PDE7B: variants seen among roughly 807,000 people sequenced by gnomAD.
PDE7B encodes 3',5'-cyclic-AMP phosphodiesterase 7B.
PDE7B carries 29 observed loss-of-function variants against 56.2 expected under a neutral mutation model. The observed-to-expected ratio is 0.52, with a 90% CI of 0.38 to 0.70. The LOEUF is 0.70. Among genes scored for constraint, PDE7B ranks in the 30% least tolerant of loss-of-function variants. The pLI is 0.00. For missense variants in PDE7B, 490 were observed against 565.0 expected (o/e 0.87, Z 1.35); for synonymous variants, 197 against 196.9 (o/e 1.00, Z 0.00).
intron 1 of PDE7B, among the ~76,000 whole-genome samples, chr6:135,919,867 C>T (rs1185071479): frequency 2.0e-5 from 3 of 152,102 alleles, no homozygotes; most frequent in African/African-American, 7.3e-5. Flanking sequence ...TGAAGAAACT[C>T]TGCCTCATCT....
chr6:135,891,929 C>T (rs887026485), intron 1 of PDE7B, among the ~76,000 whole-genome samples: 1 of 152,116 alleles, frequency 6.6e-6, no homozygotes, highest in Non-Finnish European at 1.5e-5. Flanking sequence ...CTGCCCACCC[C>T]TCCCACTCCA....
At chr6:136,162,740 G>A (rs1778727329) in intron 8 of PDE7B, among the ~76,000 whole-genome samples, 3 of 152,182 alleles carry the variant, frequency 2.0e-5, no homozygotes, top group Non-Finnish European at 2.9e-5. Flanking sequence ...AGATACAATG[G>A]GGTCACAGGC....
chr6:136,113,913 C>T (rs1777790049), intron 3 of PDE7B, among the ~76,000 whole-genome samples: 1 of 152,160 alleles, frequency 6.6e-6, no homozygotes, highest in Admixed American at 6.5e-5. Context: ...CCGTGGCAAC[C>T]ATCTCAGAGC....
At chr6:135,957,168 A>G (rs1774811595) in intron 2 of PDE7B, among the ~76,000 whole-genome samples, 1 of 152,264 alleles carries the variant, frequency 6.6e-6, no homozygotes, top group South Asian at 2.1e-4. Context: ...GGCCAGGCAG[A>G]GCTGGAAGAG....
At chr6:136,028,357 G>A (rs1776187598) in intron 2 of PDE7B, among the ~76,000 whole-genome samples, 2 of 152,166 alleles carry the variant, frequency 1.3e-5, no homozygotes, top group Admixed American at 1.3e-4. Flanking sequence ...AAAAAACATG[G>A]AATTTTATTT....
At chr6:136,027,167 G>T (rs1010571377) in intron 2 of PDE7B, among the ~76,000 whole-genome samples, 3 of 152,176 alleles carry the variant, frequency 2.0e-5, no homozygotes, top group African/African-American at 7.2e-5. Flanking sequence ...CTGGAACTGT[G>T]AGAAATGAAC....
chr6:136,060,806 A>G (rs1776824692), intron 2 of PDE7B, among the ~76,000 whole-genome samples: 1 of 152,168 alleles, frequency 6.6e-6, no homozygotes, highest in South Asian at 2.1e-4. Flanking sequence ...TGAGATTCTA[A>G]TCCTCTCCTC....
At chr6:136,045,593 G>C (rs1262273414) in intron 2 of PDE7B, among the ~76,000 whole-genome samples, 2 of 152,120 alleles carry the variant, frequency 1.3e-5, no homozygotes, top group East Asian at 3.9e-4. Flanking sequence ...TGTCAGCCTT[G>C]TATGCAGTTG....
At chr6:135,875,279 G>T (rs1775470705) in intron 1 of PDE7B, among the ~76,000 whole-genome samples, 1 of 149,758 alleles carries the variant, frequency 6.7e-6, no homozygotes, top group African/African-American at 2.5e-5. Context: ...TTACTTCTTT[G>T]CTTTTTTCTG....
At chr6:136,038,214 ACAGCAG>A (rs781300434) in intron 2 of PDE7B, 1 of 1,299,238 alleles carries the variant, frequency 7.7e-7, no homozygotes, top group Non-Finnish European at 1.0e-6. Context: ...AGAAGCAGAA[ACAGCAG>A]CAGCAGCAAC....
chr6:136,086,528 C>G (rs1777294870), intron 2 of PDE7B, among the ~76,000 whole-genome samples: 1 of 152,104 alleles, frequency 6.6e-6, no homozygotes, highest in Admixed American at 6.5e-5. Flanking sequence ...CCTTCACTCT[C>G]CTACTCTTAA....
chr6:136,176,714 T>C (rs976139667), intron 9 of PDE7B, among the ~76,000 whole-genome samples: 8 of 152,118 alleles, frequency 5.3e-5, no homozygotes. Flanking sequence ...ATTCCTAAAT[T>C]ACCCTCCAGA....
At chr6:135,999,738 CT>C (rs1455439828) in intron 2 of PDE7B, among the ~76,000 whole-genome samples, 2 of 151,360 alleles carry the variant, frequency 1.3e-5, no homozygotes, top group East Asian at 3.9e-4. Context: ...ATGCATGTGT[CT>C]TTATAATAAA....
chr6:135,904,913 C>T (rs1382693498), intron 1 of PDE7B, among the ~76,000 whole-genome samples: 2 of 152,174 alleles, frequency 1.3e-5, no homozygotes, highest in Non-Finnish European at 2.9e-5. Context: ...AGCTGGGTGA[C>T]AGAACTTTTA....
intron 2 of PDE7B, among the ~76,000 whole-genome samples, chr6:136,053,283 C>A (rs1776666940): frequency 6.9e-6 from 1 of 145,042 alleles, no homozygotes; most frequent in Non-Finnish European, 1.5e-5. Flanking sequence ...TGTTCAATTC[C>A]CACCCATGAG....
chr6:136,134,342 T>A (rs772743016), intron 3 of PDE7B, among the ~76,000 whole-genome samples: 1 of 151,974 alleles, frequency 6.6e-6, no homozygotes, highest in African/African-American at 2.4e-5. Context: ...AACTACAGAG[T>A]TAATGCAGCA....
At chr6:136,084,062 A>T (rs778083898) in intron 2 of PDE7B, among the ~76,000 whole-genome samples, 35 of 152,186 alleles carry the variant, frequency 2.3e-4, no homozygotes, top group Non-Finnish European at 3.7e-4. Flanking sequence ...TTCAAAATTA[A>T]ATATTCCTCT....
intron 5 of PDE7B, among the ~76,000 whole-genome samples, chr6:136,149,534 C>T (rs1421449891): frequency 6.6e-6 from 1 of 152,180 alleles, no homozygotes; most frequent in African/African-American, 2.4e-5. Context: ...GGTGCTTATG[C>T]AGTTTTATTA....
At chr6:136,013,029 G>T (rs1463582619) in intron 2 of PDE7B, among the ~76,000 whole-genome samples, 1 of 152,106 alleles carries the variant, frequency 6.6e-6, no homozygotes, top group Non-Finnish European at 1.5e-5. Flanking sequence ...CAGATGCAGG[G>T]TATTTTTCAA....
Sources: gnomAD v4.1 joint callset for allele counts (sites outside exome capture counted in the v4.1 genomes callset) on GRCh38, gnomAD v4.1.1 for gene constraint, MANE v1.5 for transcripts, NCBI Gene and HGNC (gene_info 2026-07-23, HGNC 2026-07-21) for gene names.